The following KIF6 variants were observed in gnomAD, a reference collection of about 807,000 sequenced individuals.
KIF6 encodes kinesin family member 6.
Under a neutral mutation model 112.7 loss-of-function variants are expected in KIF6, and 106 were observed. The ratio of observed to expected loss-of-function variants is 0.94; its 90% confidence interval spans 0.80 to 1.11. The LOEUF is 1.11. KIF6 is among the 50% of genes least tolerant of loss of function. The pLI is 0.00. For missense variants in KIF6, 929 were observed against 964.0 expected (o/e 0.96, Z 0.48); for synonymous variants, 339 against 339.9 (o/e 1.00, Z 0.03).
intron 18 of KIF6, among the ~76,000 whole-genome samples, chr6:39,359,398 A>G (rs1764954856): frequency 6.6e-6 from 1 of 152,242 alleles, no homozygotes; most frequent in South Asian, 2.1e-4. Context: ...ATCTGCAAAT[A>G]TGTTTTGAGT....
intron 3 of KIF6, among the ~76,000 whole-genome samples, chr6:39,686,123 G>A (rs1271438285): frequency 2.0e-5 from 3 of 152,184 alleles, no homozygotes; most frequent in Admixed American, 1.3e-4. Context: ...AAACAAAAGA[G>A]CTCAAAATGA....
chr6:39,406,868 C>T (rs1480894611), intron 15 of KIF6, among the ~76,000 whole-genome samples: 1 of 152,184 alleles, frequency 6.6e-6, no homozygotes, highest in Non-Finnish European at 1.5e-5. Flanking sequence ...CCTGCCTCAG[C>T]CTCCTAAGTA....
rs538203779 is a variant in KIF6, at chr6:39,695,196, C to A, written c.251+19496G>T. Among the ~76,000 whole-genome samples, 8 of 152,198 alleles carry A rather than the reference C, an allele frequency of 5.3e-5. No homozygotes were observed. In the East Asian group the frequency reaches 1.5e-3, roughly 29 times the overall value. On this transcript the variant is annotated intron_variant, in intron 3 of 22. Coordinates refer to ENST00000287152, the MANE Select transcript of KIF6 (RefSeq NM_145027.6). ...GTAGACTAAAAACTTAAATGAAAGG[C>A]CTCAAATGATAAAATTTCTGAAAGA...
intron 22 of KIF6, among the ~76,000 whole-genome samples, chr6:39,338,267 C>T (rs1449952937): frequency 6.6e-6 from 1 of 152,214 alleles, no homozygotes; most frequent in Non-Finnish European, 1.5e-5. Flanking sequence ...CCACAGGAAC[C>T]TGGTACTGGG....
At chr6:39,427,184 T>G (rs773421879) in intron 14 of KIF6, among the ~76,000 whole-genome samples, 3 of 152,130 alleles carry the variant, frequency 2.0e-5, no homozygotes, top group Non-Finnish European at 2.9e-5. Context: ...TGTGTCTGTA[T>G]TCCCAGAACT....
intron 22 of KIF6, among the ~76,000 whole-genome samples, chr6:39,337,471 T>C (rs903956876): frequency 1.3e-5 from 2 of 151,246 alleles, no homozygotes; most frequent in Non-Finnish European, 1.5e-5. Context: ...CACCACCACG[T>C]CTGGCTAATT....
chr6:39,491,170 G>T (rs1336212658), intron 13 of KIF6, among the ~76,000 whole-genome samples: 1 of 152,108 alleles, frequency 6.6e-6, no homozygotes, highest in African/African-American at 2.4e-5. Flanking sequence ...TAGTTCCTAG[G>T]TGTGGCTCCT....
intron 13 of KIF6, among the ~76,000 whole-genome samples, chr6:39,525,624 G>A (rs1445952830): frequency 6.6e-6 from 1 of 151,836 alleles, no homozygotes; most frequent in Admixed American, 6.6e-5. Context: ...GCATGGTGGT[G>A]GGTACCTATA....
chr6:39,468,816 G>A (rs890965371), intron 13 of KIF6, among the ~76,000 whole-genome samples: 1 of 151,484 alleles, frequency 6.6e-6, no homozygotes, highest in Admixed American at 6.6e-5. Context: ...AATTATAAAG[G>A]ATAGTATAAT....
chr6:39,596,681 C>T (rs1033047098), intron 6 of KIF6, among the ~76,000 whole-genome samples: 12 of 152,096 alleles, frequency 7.9e-5, no homozygotes, highest in African/African-American at 2.7e-4. Flanking sequence ...GACAAAGAAA[C>T]CTACCATCAC....
chr6:39,372,359 T>C (rs1404428247), intron 16 of KIF6, among the ~76,000 whole-genome samples: 2 of 152,196 alleles, frequency 1.3e-5, no homozygotes, highest in African/African-American at 4.8e-5. Context: ...TACCAAAAAT[T>C]ACAATGCGCC....
At chr6:39,526,437 T>C (rs1046323230) in intron 13 of KIF6, among the ~76,000 whole-genome samples, 6 of 152,154 alleles carry the variant, frequency 3.9e-5, no homozygotes, top group African/African-American at 1.4e-4. Flanking sequence ...CATCAACCTG[T>C]TTATCTCTCC....
At chr6:39,365,739 C>T (rs929393411) in intron 16 of KIF6, among the ~76,000 whole-genome samples, 3 of 152,218 alleles carry the variant, frequency 2.0e-5, no homozygotes, top group Non-Finnish European at 4.4e-5. Flanking sequence ...CCAAGGACAC[C>T]CCCAAGAAAT....
Position 39,346,130 on chromosome 6 carries a change from T to TCC in KIF6, c.2232-343_2232-342dup, listed in dbSNP as rs1308753864. ...CCCTCCCTCTCCCTCTCCCTCCCTCTCCCTCTCTCTCTCTCTCTCTCTCTC... is the reference window on the plus strand; with the variant it reads ...CCCTCCCTCTCCCTCTCCCTCCCTCTCCCCCTCTCTCTCTCTCTCTCTCTCTC... On this transcript the variant is annotated intron_variant, in intron 20 of 22. Transcript: ENST00000287152. Among the ~76,000 whole-genome samples, 84 of 79,034 alleles carry TCC rather than the reference T, an allele frequency of 1.1e-3. 3 individuals carry two copies. The highest frequency in any genetic ancestry group is 8.2e-3 in the Middle Eastern group (1 of 122). 51.8% of individuals were successfully genotyped at this position (79,034 alleles called of 152,430 possible).
chr6:39,718,103 G>T (rs1011781762), intron 2 of KIF6, among the ~76,000 whole-genome samples: 3 of 151,562 alleles, frequency 2.0e-5, no homozygotes, highest in African/African-American at 7.3e-5. Context: ...GGTGTTGCAT[G>T]CCTGTAATCC....
intron 15 of KIF6, among the ~76,000 whole-genome samples, chr6:39,417,149 A>G (rs1769976090): frequency 6.6e-6 from 1 of 152,184 alleles, no homozygotes; most frequent in East Asian, 1.9e-4. Flanking sequence ...GAAATTTTAA[A>G]TGTGTGTGCA....
At position 39,342,617 on chromosome 6, in the gene KIF6, TTTTATTTTTTTTTA is replaced by T. The variant is rs1562107957; in HGVS notation, c.2428+1078_2428+1091del. On this transcript the variant is annotated intron_variant, in intron 22 of 22. Coordinates refer to ENST00000287152, the MANE Select transcript of KIF6 (RefSeq NM_145027.6). The surrounding 1 kb of genome is among the most constrained non-coding windows in gnomAD (Gnocchi z 4.7). ...CAGTTTTTTATTTTTTTTTATTTTTTTTTATTTTTTTTTATTTTTAGACAAGGAAACTGAGAATG... is the reference window on the plus strand; with the variant it reads ...CAGTTTTTTATTTTTTTTTATTTTTTTTTTTAGACAAGGAAACTGAGAATG... Among the ~76,000 whole-genome samples the T allele has an allele frequency of 0.044, 5,846 of 131,744 alleles. 465 individuals carry two copies. Among genetic ancestry groups the T allele is most frequent in the Non-Finnish European group, 0.053 (3,417 of 64,082 alleles). The allele number at this position is 131,744 out of a possible 152,430, so 86.4% of individuals were successfully genotyped here. A position where few individuals can be genotyped will look rare whatever the true frequency, so the allele number is the denominator to read the frequency against.
chr6:39,681,100 A>G (rs1390673903), intron 3 of KIF6, among the ~76,000 whole-genome samples: 9 of 152,116 alleles, frequency 5.9e-5, no homozygotes, highest in Admixed American at 5.9e-4. Context: ...GGGCAAATAA[A>G]TACATAAAAT....
intron 5 of KIF6, among the ~76,000 whole-genome samples, chr6:39,631,990 T>C (rs1784374335): frequency 1.3e-5 from 2 of 152,294 alleles, no homozygotes; most frequent in South Asian, 2.1e-4. Context: ...TTAAGTTTGG[T>C]TTAATCACCT....
Sources: gnomAD v4.1 joint callset for allele counts (sites outside exome capture counted in the v4.1 genomes callset) on GRCh38, gnomAD v4.1.1 for gene constraint, Gnocchi (gnomAD v3.1) non-coding constraint, MANE v1.5 for transcripts, NCBI Gene and HGNC (gene_info 2026-07-23, HGNC 2026-07-21) for gene names.